LRRC9: variants seen among roughly 807,000 people sequenced by gnomAD.
LRRC9 encodes the protein leucine-rich repeat-containing protein 9.
A neutral mutation model predicts 63.2 loss-of-function variants in LRRC9; 122 were observed. That is an observed-to-expected ratio of 1.93 (90% confidence interval 1.67 to 2.24). LRRC9 has a LOEUF of 2.24. Among genes scored for constraint, LRRC9 ranks in the 30% most tolerant of loss-of-function variants. LRRC9 has a pLI of 0.00. For synonymous variants in LRRC9, 366 were observed against 213.1 expected, an observed-to-expected ratio of 1.72 and a Z score of -6.25; for missense variants, 1,071 against 627.7, an observed-to-expected ratio of 1.71 and a Z score of -7.55.
intron 23 of LRRC9, among the ~76,000 whole-genome samples, chr14:60,009,269 T>C (rs1221943932): frequency 6.6e-6 from 1 of 152,184 alleles, no homozygotes; most frequent in East Asian, 1.9e-4. Flanking sequence ...GACTGGGCAA[T>C]TTATAAAGGA....
rs772780259 is a variant in LRRC9, at chr14:59,982,013, A to AAAACAAT, written c.2046_2052dup (p.Leu685AsnfsTer9). 18 of 702,418 alleles carry AAAACAAT rather than the reference A, an allele frequency of 2.6e-5. No individual in the cohort carries two copies. Among genetic ancestry groups the AAAACAAT allele is most frequent in the Non-Finnish European group, 4.4e-5 (17 of 384,764 alleles). 43.5% of individuals were successfully genotyped at this position (702,418 alleles called of 1,614,324 possible). On this transcript the variant is annotated frameshift_variant, in exon 16 of 32. Coordinates refer to ENST00000445360, the Ensembl canonical transcript of LRRC9. LOFTEE classifies it high-confidence loss of function. ...ACCAAAACTGATTAGTTTGGATGAT[A>AAAACAAT]AAACAATACTTTCCCTTGCAAAGAC...
chr14:59,963,612 A>G (rs1884559669), intron 10 of LRRC9, among the ~76,000 whole-genome samples: 1 of 152,198 alleles, frequency 6.6e-6, no homozygotes, highest in Non-Finnish European at 1.5e-5. Context: ...ATAAGACATA[A>G]CATCTAGCAT....
chr14:59,947,842 G>C (rs1026050179), intron 8 of LRRC9, among the ~76,000 whole-genome samples: 3 of 150,928 alleles, frequency 2.0e-5, no homozygotes, highest in African/African-American at 7.3e-5. Flanking sequence ...ATTTCTGAGG[G>C]CTCTGTTCTG....
intron 17 of LRRC9, among the ~76,000 whole-genome samples, chr14:59,992,313 C>T (rs923917535): frequency 6.6e-6 from 1 of 152,170 alleles, no homozygotes; most frequent in African/African-American, 2.4e-5. Flanking sequence ...CCCATCTGTA[C>T]GTCACCATCA....
At position 60,003,793 on chromosome 14, in the gene LRRC9, T is replaced by C. The variant is rs977454607; in HGVS notation, c.2837T>C (p.Ile946Thr). 7 of 606,822 alleles carry C rather than the reference T, an allele frequency of 1.2e-5. No individual in the cohort carries two copies. The highest frequency in any genetic ancestry group is 3.0e-5 in the East Asian group (1 of 33,152). 37.6% of individuals were successfully genotyped at this position (606,822 alleles called of 1,614,324 possible). Residue 946 changes from isoleucine to threonine, a missense_variant, in exon 21 of 32, where the codon ATA becomes ACA. Ile to Thr is a moderately conservative substitution (Grantham distance 89). Transcript: ENST00000445360. This position sits in a 1 kb window ranked among gnomAD's most constrained non-coding sequence, Gnocchi z 4.2. ...TTAGATGGAAACTGCATCTCAAAGA[T>C]AGAAGGTAAGGTACTTAAGAACTTT... is the stretch of plus-strand genomic sequence containing the variant.
At chr14:59,928,400 A>G in exon 3 of LRRC9, 1 of 698,272 alleles carries the variant, frequency 1.4e-6, no homozygotes. Flanking sequence ...GAGTCTTACC[A>G]TTGTTGCTCA....
Position 59,965,607 on chromosome 14 carries a change from C to A in LRRC9, c.1212-982C>A, listed in dbSNP as rs796953366. Among the ~76,000 whole-genome samples the A allele has an allele frequency of 5.9e-4, 89 of 151,996 alleles. 1 individual carries two copies. Among genetic ancestry groups the A allele is most frequent in the African/African-American group, 2.0e-3 (83 of 41,460 alleles). On this transcript the variant is annotated intron_variant, in intron 10 of 31. Coordinates refer to ENST00000445360, the Ensembl canonical transcript of LRRC9. ...TTGCTAAAGAATTAGATACTGGGGC[C>A]GGGCGCGGTGGCTCACGCCTGTAAT...
chr14:60,066,095 A>T (rs1242008034), downstream of LRRC9, among the ~76,000 whole-genome samples: 5 of 152,054 alleles, frequency 3.3e-5, no homozygotes, highest in Non-Finnish European at 7.4e-5. Flanking sequence ...CTGGGATTAT[A>T]GGCATGAGCC....
At chr14:60,018,896 T>C (rs1043380616) in intron 25 of LRRC9, among the ~76,000 whole-genome samples, 8 of 151,872 alleles carry the variant, frequency 5.3e-5, no homozygotes, top group African/African-American at 9.7e-5. Flanking sequence ...GGAGAACAGA[T>C]TGAGAAAGTT....
In LRRC9 at chr14:60,024,591, T is replaced by C. The variant is rs544431086; in HGVS notation, c.3703+1721T>C. Among the ~76,000 whole-genome samples the C allele has an allele frequency of 9.9e-5, 15 of 152,172 alleles. 1 individual carries two copies. Among genetic ancestry groups the C allele is most frequent in the Admixed American group, 6.5e-4 (10 of 15,270 alleles). ...ATTTTTAAAAATTTGAATGCATCTA[T>C]CAAAAGCACTTGTGATTTGGATCAA... On this transcript the variant is annotated intron_variant, in intron 27 of 31. Coordinates refer to ENST00000445360, the Ensembl canonical transcript of LRRC9.
At chr14:60,007,898 C>T (rs1442073931) in intron 22 of LRRC9, among the ~76,000 whole-genome samples, 194 bp from the exon 23 acceptor site, 1 of 144,282 alleles carries the variant, frequency 6.9e-6, no homozygotes, top group Non-Finnish European at 1.5e-5. Flanking sequence ...TATGATCAGA[C>T]CACTGCACTC....
At chr14:59,974,130 G>A (rs1228013340) in intron 12 of LRRC9, among the ~76,000 whole-genome samples, 4 of 152,024 alleles carry the variant, frequency 2.6e-5, no homozygotes, top group Non-Finnish European at 4.4e-5. Flanking sequence ...ATTTCCATGG[G>A]TTAACACATG....
In LRRC9 at chr14:60,058,790, TA is replaced by T. The variant is rs143808908; in HGVS notation, c.4276+776del. On this transcript the variant is annotated intron_variant, in intron 31 of 31. Transcript: ENST00000445360. The surrounding 1 kb of genome is among the most constrained non-coding windows in gnomAD (Gnocchi z 4.4). ...TATAAAATGATCTAAGAGCCTCCTA[TA>T]AAAAAAAGTAGACTGTTCCATGTGA... Among the ~76,000 whole-genome samples the T allele has an allele frequency of 0.099, 15,058 of 151,718 alleles. 1,017 individuals carry two copies. The highest frequency in any genetic ancestry group is 0.16 in the Middle Eastern group (46 of 294).
intron 27 of LRRC9, among the ~76,000 whole-genome samples, chr14:60,025,880 A>T (rs897889476): frequency 6.6e-6 from 1 of 152,000 alleles, no homozygotes; most frequent in African/African-American, 2.4e-5. Flanking sequence ...TCCAAAAGGC[A>T]GTTTAAAAGG....
Position 59,970,034 on chromosome 14 carries a change from G to A in LRRC9, c.1506+2821G>A, listed in dbSNP as rs529721154. Among the ~76,000 whole-genome samples, 10 of 152,236 alleles carry A rather than the reference G, an allele frequency of 6.6e-5. No individual in the cohort carries two copies. In the East Asian group the frequency reaches 1.7e-3, roughly 26 times the overall value. On this transcript the variant is annotated intron_variant, in intron 12 of 31. Coordinates refer to ENST00000445360, the Ensembl canonical transcript of LRRC9. ...TATTAGGTAAACTTGTGTCATGGGT[G>A]TATGTTGTACAGATTATTTTGTCAC... is the stretch of plus-strand genomic sequence containing the variant.
rs219376 is a variant in LRRC9 at position 60,009,769 on chromosome 14, G to T, written c.3186+1555G>T. Reference sequence around the variant, plus strand: ...AGTTAGTTACTTCCTAGAGACAATGGGGGTACAGGCATTGGGTAAATACAC... The same window carrying T: ...AGTTAGTTACTTCCTAGAGACAATGTGGGTACAGGCATTGGGTAAATACAC... On this transcript the variant is annotated intron_variant, in intron 23 of 31. Transcript: ENST00000445360. Among the ~76,000 whole-genome samples the T allele has an allele frequency of 1.8e-4, 27 of 152,170 alleles. No homozygotes were observed. The South Asian group carries it at 5.2e-3, about 29-fold the overall frequency.
chr14:59,996,540 G>C (rs1180477597), intron 17 of LRRC9, among the ~76,000 whole-genome samples: 4 of 152,030 alleles, frequency 2.6e-5, no homozygotes, highest in African/African-American at 9.7e-5. Flanking sequence ...AAACAAGTAA[G>C]ATGAAGATAT....
intron 29 of LRRC9, among the ~76,000 whole-genome samples, chr14:60,050,111 C>T (rs1467565608): frequency 2.0e-5 from 3 of 152,104 alleles, no homozygotes; most frequent in Non-Finnish European, 4.4e-5. Context: ...ATTCTCCTGC[C>T]TCAGCCTCCT....
intron 8 of LRRC9, among the ~76,000 whole-genome samples, chr14:59,952,084 C>T (rs569217621): frequency 1.4e-3 from 210 of 152,134 alleles, no homozygotes; most frequent in Admixed American, 2.0e-3. Context: ...CAATGGCAGG[C>T]GCCCCTCCCC....
Sources: gnomAD v4.1 joint callset for allele counts (sites outside exome capture counted in the v4.1 genomes callset) on GRCh38, gnomAD v4.1.1 for gene constraint, Gnocchi (gnomAD v3.1) non-coding constraint, MANE v1.5 for transcripts, NCBI Gene and HGNC (gene_info 2026-07-23, HGNC 2026-07-21) for gene names.